The following DSCAML1 variants were observed in gnomAD, a reference collection of about 807,000 sequenced individuals.
DSCAML1 encodes the protein DS cell adhesion molecule like 1.
In DSCAML1, 38 loss-of-function variants were observed where a neutral mutation model predicts 200.5. That is an observed-to-expected ratio of 0.19 (90% CI 0.15 to 0.25). DSCAML1 has a LOEUF of 0.25. DSCAML1 is among the 10% of genes least tolerant of loss of function. The probability of loss-of-function intolerance (pLI) is 1.00; values close to 1 mark genes in which losing one functional copy is unlikely to be tolerated. For synonymous variants in DSCAML1, 1,215 were observed against 1,165.0 expected (o/e 1.04, Z -0.87); for missense variants, 2,223 against 2,858.8 (o/e 0.78, Z 5.07).
intron 21 of DSCAML1, among the ~76,000 whole-genome samples, chr11:117,443,631 A>G (rs2048114848): frequency 6.6e-6 from 1 of 151,962 alleles, no homozygotes; most frequent in Admixed American, 6.5e-5. Context: ...TAGGGTTTGG[A>G]CTCGGGAACT....
At chr11:117,435,925 CACA>C in intron 26 of DSCAML1, 126 bp from the exon 27 acceptor site, 1 of 1,059,162 alleles carries the variant, frequency 9.4e-7, no homozygotes, top group Non-Finnish European at 1.3e-6. Context: ...CACCTCCTGG[CACA>C]GAACCCTGGA....
intron 5 of DSCAML1, among the ~76,000 whole-genome samples, chr11:117,523,649 G>A (rs1227162473): frequency 6.6e-6 from 1 of 152,210 alleles, no homozygotes; most frequent in Non-Finnish European, 1.5e-5. Context: ...CCTTATCTGG[G>A]CTGTGGGAGT....
upstream of DSCAML1, among the ~76,000 whole-genome samples, chr11:117,797,772 G>A (rs140740337): frequency 1.3e-5 from 2 of 152,294 alleles, no homozygotes; most frequent in East Asian, 1.9e-4. Flanking sequence ...CACGCTGTTC[G>A]AATTTTCCTC....
At chr11:117,587,048 AGGCAGGT>A (rs1325651985) in intron 3 of DSCAML1, among the ~76,000 whole-genome samples, 1 of 152,126 alleles carries the variant, frequency 6.6e-6, no homozygotes, top group Non-Finnish European at 1.5e-5. Flanking sequence ...GGAGTTCTTT[AGGCAGGT>A]GGCCACATCA....
At chr11:117,772,562 T>C (rs865989886) in intron 3 of DSCAML1, among the ~76,000 whole-genome samples, 4 of 152,118 alleles carry the variant, frequency 2.6e-5, no homozygotes, top group East Asian at 1.9e-4. Flanking sequence ...GGGGCCAAGA[T>C]AGCCAGTCAG....
chr11:117,531,547 G>A (rs2050076291), intron 4 of DSCAML1, among the ~76,000 whole-genome samples: 2 of 152,046 alleles, frequency 1.3e-5, no homozygotes, highest in South Asian at 2.1e-4. Flanking sequence ...CAAATGTTGC[G>A]AGGTGGCCTA....
At chr11:117,805,500 C>CCT (rs1591525018) in intron 1 of DSCAML1, among the ~76,000 whole-genome samples, 2 of 152,164 alleles carry the variant, frequency 1.3e-5, no homozygotes, top group East Asian at 3.8e-4. Context: ...GTTTGGAAAA[C>CCT]AGTGGAATAA....
chr11:117,795,226 G>A (rs1239401322), intron 1 of DSCAML1, among the ~76,000 whole-genome samples: 1 of 152,216 alleles, frequency 6.6e-6, no homozygotes. Context: ...GTGGAGGCAT[G>A]GGGGAGTTGG....
At chr11:117,457,709 G>C (rs1331304691) in intron 19 of DSCAML1, among the ~76,000 whole-genome samples, 1 of 152,132 alleles carries the variant, frequency 6.6e-6, no homozygotes, top group Admixed American at 6.5e-5. Context: ...TCCAGTCCCC[G>C]GGCACTGGGC....
chr11:117,650,535 C>T (rs1399125127), intron 3 of DSCAML1, among the ~76,000 whole-genome samples: 3 of 152,196 alleles, frequency 2.0e-5, no homozygotes, highest in Admixed American at 6.5e-5. Context: ...CACGCAGCCT[C>T]GTGCAAAGAG....
chr11:117,631,275 C>T (rs902228237), intron 3 of DSCAML1, among the ~76,000 whole-genome samples: 8 of 152,176 alleles, frequency 5.3e-5, no homozygotes, highest in South Asian at 2.1e-4. Context: ...TCAGCAGATA[C>T]GATGAGAGTT....
chr11:117,477,609 TA>T (rs1194245806), intron 14 of DSCAML1, among the ~76,000 whole-genome samples: 1 of 152,064 alleles, frequency 6.6e-6, no homozygotes, highest in African/African-American at 2.4e-5. Flanking sequence ...GTATTTGAGT[TA>T]GAAGAGACAG....
chr11:117,689,331 C>A (rs1365118863), intron 3 of DSCAML1, among the ~76,000 whole-genome samples: 14 of 152,156 alleles, frequency 9.2e-5, no homozygotes, highest in Non-Finnish European at 1.5e-5. Context: ...ACAGCATCAC[C>A]CGAGAGCTGG....
chr11:117,637,909 G>A (rs2052324871), intron 3 of DSCAML1, among the ~76,000 whole-genome samples: 1 of 152,176 alleles, frequency 6.6e-6, no homozygotes, highest in South Asian at 2.1e-4. Context: ...GCTGGATTCT[G>A]TTTCAGGTTC....
chr11:117,809,840 G>A (rs2055741793), intron 1 of DSCAML1, among the ~76,000 whole-genome samples: 1 of 151,606 alleles, frequency 6.6e-6, no homozygotes. Context: ...AACTCACACA[G>A]TCACATACAC....
chr11:117,622,484 C>G (rs949846729), intron 3 of DSCAML1, among the ~76,000 whole-genome samples: 2 of 152,236 alleles, frequency 1.3e-5, no homozygotes, highest in East Asian at 3.9e-4. Flanking sequence ...GCAGATCCTG[C>G]ACATGGGCCT....
At chr11:117,792,894 C>T (rs1000269231) in intron 1 of DSCAML1, among the ~76,000 whole-genome samples, 2 of 152,216 alleles carry the variant, frequency 1.3e-5, no homozygotes, top group African/African-American at 4.8e-5. Context: ...ACTGTCTGTC[C>T]TTGGATAGGG....
intron 16 of DSCAML1, among the ~76,000 whole-genome samples, chr11:117,466,730 C>A (rs73577980): frequency 0.028 from 4,330 of 152,130 alleles, 225 homozygotes; most frequent in African/African-American, 0.099. Flanking sequence ...TTCATGGGTA[C>A]AGAATTTCAG....
At position 117,433,271 on chromosome 11, in the gene DSCAML1, A is replaced by C; in HGVS notation, c.4908-15T>G. 1 of 1,601,478 alleles carries C rather than the reference A, an allele frequency of 6.2e-7. No individual in the cohort carries two copies. The highest frequency in any genetic ancestry group is 8.5e-7 in the Non-Finnish European group (1 of 1,173,032). On this transcript the variant is annotated splice_polypyrimidine_tract_variant and intron_variant, in intron 28 of 32. Coordinates refer to ENST00000651296, the MANE Select transcript of DSCAML1 (RefSeq NM_020693.4). Reference sequence around the variant, plus strand: ...TATTGTTCTTGCTGTGGGGAGAAAGACTGGAGGTGGTGGCTCAGCAGCCAT... The same window carrying C: ...TATTGTTCTTGCTGTGGGGAGAAAGCCTGGAGGTGGTGGCTCAGCAGCCAT...
Sources: allele counts gnomAD v4.1 joint callset (sites outside exome capture counted in the v4.1 genomes callset), GRCh38; gene constraint gnomAD v4.1.1; transcripts MANE v1.5; gene names NCBI Gene and HGNC (gene_info 2026-07-23, HGNC 2026-07-21).